Variants in CLIP4 observed in about 807,000 individuals in gnomAD.
CLIP4 encodes CAP-Gly domain containing linker protein family member 4.
A neutral mutation model predicts 73.1 loss-of-function variants in CLIP4; 47 were observed. That is an observed-to-expected ratio of 0.64 (90% CI 0.51 to 0.82). The LOEUF (loss-of-function observed/expected upper bound fraction) is 0.82, where lower values mean the gene tolerates loss of function less well. CLIP4 is among the 40% of genes least tolerant of loss of function. CLIP4 has a pLI of 0.00. For synonymous variants in CLIP4, 306 were observed against 295.4 expected (o/e 1.04, Z -0.37); for missense variants, 874 against 852.9 (o/e 1.02, Z -0.31).
intron 14 of CLIP4, among the ~76,000 whole-genome samples, chr2:29,173,219 A>G (rs114044073): frequency 0.013 from 1,923 of 152,344 alleles, 46 homozygotes; most frequent in African/African-American, 0.044. Flanking sequence ...AGTCTCTGCA[A>G]CATATTTTTG....
In CLIP4 at chr2:29,135,636, C is replaced by T. The variant is rs761426811; in HGVS notation, c.618C>T (p.Leu206=). The T allele has an allele frequency of 1.2e-6, 2 of 1,609,702 alleles. No individual in the cohort carries two copies. The highest frequency in any genetic ancestry group is 8.5e-7 in the Non-Finnish European group (1 of 1,178,280). The part of the protein sequence containing the change: ...YNLCAGAVKC[L]LEQGANPAFR... ...TGTGTGCAGGTGCTGTGAAGTGCCT[C>T]TTGGAGCAGGGAGCAAATCCTGCAT... The change falls in exon 6 of 16, where the codon CTC becomes CTT. Residue 206 remains leucine (L), a synonymous_variant. Transcript: ENST00000320081.
chr2:29,101,960 G>T (rs1319560756), intron 1 of CLIP4, among the ~76,000 whole-genome samples: 1 of 152,206 alleles, frequency 6.6e-6, no homozygotes, highest in Non-Finnish European at 1.5e-5. Context: ...AGAATTTTGT[G>T]TGTGCACATA....
chr2:29,113,982 G>A (rs1668450573), upstream of CLIP4: 1 of 152,232 alleles, frequency 6.6e-6, no homozygotes. This position sits in a 1 kb window ranked among gnomAD's most constrained non-coding sequence, Gnocchi z 4.0. Context: ...GAGGGAGGAG[G>A]AAGTATCCGT....
chr2:29,134,978 G>A (rs1665244081), intron 5 of CLIP4, among the ~76,000 whole-genome samples: 1 of 151,836 alleles, frequency 6.6e-6, no homozygotes, highest in African/African-American at 2.4e-5. Flanking sequence ...TTTTTTTTCT[G>A]TAAAGGGCCA....
intron 2 of CLIP4, among the ~76,000 whole-genome samples, chr2:29,126,048 G>A (rs556487914): frequency 5.7e-4 from 86 of 152,068 alleles, no homozygotes; most frequent in African/African-American, 2.0e-3. Context: ...GGTGGCGTGC[G>A]CCTGTGGTCC....
At chr2:29,146,467 T>C (rs576575168) in intron 8 of CLIP4, among the ~76,000 whole-genome samples, 227 of 152,342 alleles carry the variant, frequency 1.5e-3, no homozygotes, top group African/African-American at 5.1e-3. Flanking sequence ...GACAAATGTT[T>C]AAGTAAATTC....
At chr2:29,168,733 A>G (rs1667800170) in intron 14 of CLIP4, among the ~76,000 whole-genome samples, 1 of 151,818 alleles carries the variant, frequency 6.6e-6, no homozygotes, top group African/African-American at 2.4e-5. Flanking sequence ...CGTGTTAGCC[A>G]GGATGGTCTC....
chr2:29,106,520 C>T (rs80263318), intron 1 of CLIP4, among the ~76,000 whole-genome samples: 4 of 152,060 alleles, frequency 2.6e-5, no homozygotes, highest in South Asian at 2.1e-4. Flanking sequence ...CTTGGAGGCA[C>T]GTATTCTTTA....
intron 15 of CLIP4, among the ~76,000 whole-genome samples, chr2:29,175,167 G>A (rs1459987309): frequency 1.3e-5 from 2 of 152,134 alleles, no homozygotes; most frequent in Non-Finnish European, 2.9e-5. Context: ...AGAACTTGAT[G>A]TCCCACTGTG....
At chr2:29,101,772 T>C (rs1045243198) in intron 1 of CLIP4, among the ~76,000 whole-genome samples, 1 of 152,198 alleles carries the variant, frequency 6.6e-6, no homozygotes, top group Non-Finnish European at 1.5e-5. Context: ...TCTGAGCAGA[T>C]CTTTAGGATC....
At chr2:29,151,746 C>T (rs1001106722) in intron 8 of CLIP4, among the ~76,000 whole-genome samples, 42 of 152,094 alleles carry the variant, frequency 2.8e-4, no homozygotes, top group Non-Finnish European at 5.1e-4. Flanking sequence ...TGTAAACACT[C>T]AATGAAAGAG....
chr2:29,152,589 T>C, intron 8 of CLIP4, 96 bp from the exon 9 acceptor site: 1 of 1,316,550 alleles, frequency 7.6e-7, no homozygotes, highest in Non-Finnish European at 1.0e-6. Context: ...GCACTAAAGG[T>C]TTATATTAAA....
At position 29,131,404 on chromosome 2, in the gene CLIP4, A is replaced by T; in HGVS notation, c.273+7A>T. On this transcript the variant is annotated splice_region_variant and intron_variant, in intron 3 of 15. Coordinates refer to ENST00000320081, the MANE Select transcript of CLIP4 (RefSeq NM_024692.6). ...TGACATTATTGGAAATGAGGTAAGG[A>T]ATTCTTACATTTTAAGTTTTGCATT... 6.3e-7 allele frequency: 1 copy of T among 1,583,536 alleles called. No homozygotes were observed.
At chr2:29,098,255 A>G (rs116720147) in intron 1 of CLIP4, among the ~76,000 whole-genome samples, 1 of 152,234 alleles carries the variant, frequency 6.6e-6, no homozygotes, top group Non-Finnish European at 1.5e-5. Context: ...CATTATTATG[A>G]ACTAAAGCCT....
At chr2:29,109,658 A>G (rs1428319981) in intron 1 of CLIP4, among the ~76,000 whole-genome samples, 2 of 152,216 alleles carry the variant, frequency 1.3e-5, no homozygotes, top group Non-Finnish European at 2.9e-5. Context: ...GTGGTGTCTG[A>G]GAGTGGCAGC....
intron 14 of CLIP4, chr2:29,167,946 T>TTGGGTTATA (rs1429282389): frequency 1.3e-5 from 2 of 153,852 alleles, no homozygotes; most frequent in African/African-American, 4.8e-5. Context: ...TGATGGTTAT[T>TTGGGTTATA]TGGGTTATAT....
At chr2:29,121,008 A>G (rs372374879) in intron 1 of CLIP4, among the ~76,000 whole-genome samples, 7 of 152,312 alleles carry the variant, frequency 4.6e-5, no homozygotes, top group African/African-American at 1.7e-4. Flanking sequence ...AACTTGTGCC[A>G]GTGTTATGGG....
At position 29,145,131 on chromosome 2, in the gene CLIP4, T is replaced by C. The variant is rs891606160; in HGVS notation, c.886-101T>C. ...ATTTTTAAAATTCACTTTGAGAGAG[T>C]GAATTTTTAAAAACTCCCATGGTGA... On this transcript the variant is annotated intron_variant, in intron 7 of 15. Coordinates refer to ENST00000320081, the MANE Select transcript of CLIP4 (RefSeq NM_024692.6). 3 of 964,944 alleles carry C rather than the reference T, an allele frequency of 3.1e-6. No homozygotes were observed. The Admixed American group carries it at 8.5e-5, about 27-fold the overall frequency. 59.8% of individuals were successfully genotyped at this position (964,944 alleles called of 1,614,324 possible).
chr2:29,123,392 T>A (rs992200641), intron 2 of CLIP4, among the ~76,000 whole-genome samples: 1 of 151,634 alleles, frequency 6.6e-6, no homozygotes, highest in African/African-American at 2.4e-5. Flanking sequence ...CCAAGACAGG[T>A]CTTCTATAGG....
Sources: allele counts gnomAD v4.1 joint callset (sites outside exome capture counted in the v4.1 genomes callset), GRCh38; gene constraint gnomAD v4.1.1; non-coding constraint Gnocchi (gnomAD v3.1); transcripts MANE v1.5; gene names NCBI Gene and HGNC (gene_info 2026-07-23, HGNC 2026-07-21).